The following VWA5B1 variants were observed in gnomAD, a reference collection of about 807,000 sequenced individuals.
The protein encoded by VWA5B1 is von Willebrand factor A domain-containing protein 5B1.
VWA5B1 carries 115 observed loss-of-function variants against 118.2 expected under a neutral mutation model. The ratio of observed to expected loss-of-function variants is 0.97; its 90% confidence interval spans 0.84 to 1.14. The LOEUF is 1.14. VWA5B1 is among the 50% of genes most tolerant of loss of function. VWA5B1 has a pLI of 0.00. For synonymous variants in VWA5B1, 682 were observed against 658.4 expected, an observed-to-expected ratio of 1.04 and a Z score of -0.55; for missense variants, 1,596 against 1,603.8, an observed-to-expected ratio of 1.00 and a Z score of 0.08.
chr1:20,314,439 C>G lies in VWA5B1; in HGVS notation c.410C>G (p.Pro137Arg), dbSNP rs1346152742. ...LFVANLGTIA[P>R]MENVTIFIST... ...GTGGCCAACCTGGGGACCATTGCCC[C>G]CATGGAGAATGTCACCATCTTCATC... Residue 137 changes from proline (P) to arginine (R), a missense_variant, in exon 4 of 22, where the codon CCC (proline) becomes CGC (arginine). By Grantham distance (103) the Pro-to-Arg change is moderately radical. Transcript: ENST00000289815. 3 of 1,551,746 alleles carry G rather than the reference C, an allele frequency of 1.9e-6. No homozygotes were observed. In the East Asian group the frequency reaches 7.3e-5, roughly 38 times the overall value.
Position 20,317,539 on chromosome 1 carries a change from G to A in VWA5B1, c.573G>A (p.Arg191=). ...TSNQQAQGKD[R]HCFGAWAPGS... ...CCCGGCCCTTTTCCAGCAAAGACAG[G>A]CACTGCTTCGGTGCCTGGGCCCCGG... Residue 191 remains arginine (R), a synonymous_variant, in exon 5 of 22, where the codon AGG becomes AGA. Transcript: ENST00000289815. 1 of 1,551,584 alleles carries A rather than the reference G, an allele frequency of 6.4e-7. No homozygotes were observed. The highest frequency in any genetic ancestry group is 8.7e-7 in the Non-Finnish European group (1 of 1,146,932).
At chr1:20,293,319 T>C (rs2088346956) in intron 1 of VWA5B1, among the ~76,000 whole-genome samples, 1 of 151,986 alleles carries the variant, frequency 6.6e-6, no homozygotes, top group African/African-American at 2.4e-5. Flanking sequence ...ATGATGCGAA[T>C]GCTGGTTATG....
At chr1:20,331,561 G>C (rs1016159006) in intron 11 of VWA5B1, among the ~76,000 whole-genome samples, 1 of 152,202 alleles carries the variant, frequency 6.6e-6, no homozygotes, top group African/African-American at 2.4e-5. Context: ...AGCTGTGAAA[G>C]GAAAATGGGA....
chr1:20,332,949 T>C lies in VWA5B1; in HGVS notation c.1756T>C (p.Ser586Pro). ...TTCTTTGCACATCTCCAATCCCAGA[T>C]CTGTAAGTATCCTAGAAATTCCACG... ...DASLHISNPR[S>P]DKRRRYSMLH... Residue 586 changes from serine to proline, a missense_variant and splice_region_variant, in exon 12 of 22, where the codon TCT becomes CCT. Transcript: ENST00000289815. 1.3e-6 allele frequency: 2 copies of C among 1,551,842 alleles called. No individual in the cohort carries two copies. Among genetic ancestry groups the C allele is most frequent in the East Asian group, 2.4e-5 (1 of 40,930 alleles).
chr1:20,328,093 T>G (rs2089441814), intron 9 of VWA5B1, 93 bp downstream of exon 9: 9 of 1,257,352 alleles, frequency 7.2e-6, no homozygotes, highest in Non-Finnish European at 9.0e-6. Flanking sequence ...AAAACCCTAG[T>G]GCTGGCCTCA....
At chr1:20,306,171 G>C (rs910575889) in intron 1 of VWA5B1, among the ~76,000 whole-genome samples, 14 of 152,166 alleles carry the variant, frequency 9.2e-5, no homozygotes, top group Admixed American at 7.2e-4. Context: ...GAAAGGAGGA[G>C]AGGGGTGCAA....
intron 4 of VWA5B1, 32 bp from the exon 5 acceptor site, chr1:20,317,498 G>T: frequency 6.5e-7 from 1 of 1,548,370 alleles, no homozygotes; most frequent in Non-Finnish European, 8.7e-7. Context: ...CACCCTGGCT[G>T]GTCTCCTTTC....
At chr1:20,336,591 G>A (rs2089724690) in intron 13 of VWA5B1, 105 bp downstream of exon 13, 4 of 1,228,928 alleles carry the variant, frequency 3.3e-6, no homozygotes, top group South Asian at 3.4e-5. Context: ...TGCAGAGGTG[G>A]GTACTGTTAT....
chr1:20,309,130 C>A (rs992612982), intron 1 of VWA5B1, among the ~76,000 whole-genome samples: 3 of 152,118 alleles, frequency 2.0e-5, no homozygotes, highest in Non-Finnish European at 4.4e-5. Context: ...CTTCATCCTG[C>A]AAGGATGAAA....
Position 20,317,668 on chromosome 1 carries a change from G to A in VWA5B1, c.702G>A (p.Leu234=). Residue 234 remains leucine, a synonymous_variant, in exon 5 of 22, where the codon CTG becomes CTA. Coordinates refer to ENST00000289815, the MANE Select transcript of VWA5B1 (RefSeq NM_001039500.3). ...AGCTGGAGATCCGTGGGCCATGTCT[G>A]CTCGCAGGTGAGAGGGAGACATCCA... is the stretch of plus-strand genomic sequence containing the variant. ...NFQLEIRGPC[L]LAGVESPTHE... The A allele has an allele frequency of 2.6e-6, 4 of 1,550,834 alleles. No individual in the cohort carries two copies. The South Asian group carries it at 4.8e-5, about 18-fold the overall frequency.
intron 8 of VWA5B1, among the ~76,000 whole-genome samples, chr1:20,324,639 G>A (rs77666741): frequency 0.015 from 2,348 of 152,208 alleles, 57 homozygotes; most frequent in African/African-American, 0.052. Flanking sequence ...GGGCTCTGCC[G>A]TCACCTGAAA....
chr1:20,303,877 G>A lies in VWA5B1; in HGVS notation c.-26-6699G>A, dbSNP rs193043661. On this transcript the variant is annotated intron_variant, in intron 1 of 21. Transcript: ENST00000289815. ...ATCTCTTCCCTCCTGTGCTCAGCAC[G>A]AACTGGGAAGCAGCCTGAGCAGGGG... Among the ~76,000 whole-genome samples the A allele has an allele frequency of 4.5e-4, 68 of 152,338 alleles. 1 individual carries two copies. Among genetic ancestry groups the A allele is most frequent in the Middle Eastern group, 6.8e-3 (2 of 294 alleles).
Position 20,323,421 on chromosome 1 carries a change from C to T in VWA5B1, c.1032C>T (p.Phe344=). 1 of 1,535,370 alleles carries T rather than the reference C, an allele frequency of 6.5e-7. No individual in the cohort carries two copies. Among genetic ancestry groups the T allele is most frequent in the Non-Finnish European group, 8.8e-7 (1 of 1,140,038 alleles). ...ACCACTCCGTCATCATGCTCAACTT[C>T]TGTCCCGACCTCCAGTCAGTCCAGC... is the stretch of plus-strand genomic sequence containing the variant. ...IPHHSVIMLN[F]CPDLQSVQPC... Residue 344 remains phenylalanine (F), a synonymous_variant, in exon 8 of 22, where the codon TTC becomes TTT. Transcript: ENST00000289815.
In VWA5B1 at chr1:20,305,746, C is replaced by T. The variant is rs561246086; in HGVS notation, c.-26-4830C>T. ...CATGGTTTGATGGCCTGTTACAAGA[C>T]GGGTGGCACTTATGGTAGGCAGGGA... On this transcript the variant is annotated intron_variant, in intron 1 of 21. Coordinates refer to ENST00000289815, the MANE Select transcript of VWA5B1 (RefSeq NM_001039500.3). Among the ~76,000 whole-genome samples the T allele has an allele frequency of 2.7e-4, 41 of 151,286 alleles. 1 individual carries two copies. Among genetic ancestry groups the T allele is most frequent in the African/African-American group, 9.2e-4 (38 of 41,252 alleles).
At chr1:20,291,545 C>G (rs971991831) in intron 1 of VWA5B1, among the ~76,000 whole-genome samples, 1 of 151,962 alleles carries the variant, frequency 6.6e-6, no homozygotes, top group Non-Finnish European at 1.5e-5. Flanking sequence ...TCCTTCCTCC[C>G]TCTCTCAACC....
At chr1:20,319,534 C>A (rs879102932) in intron 7 of VWA5B1, 28 bp downstream of exon 7, 10 of 1,550,270 alleles carry the variant, frequency 6.5e-6, no homozygotes, top group South Asian at 6.0e-5. Flanking sequence ...GGGGAGCGGA[C>A]GGTGGCAGAG....
rs970407490 is a variant in VWA5B1, at chr1:20,355,607, A to G, written c.*1344A>G. On this transcript the variant is annotated 3_prime_UTR_variant, in exon 22 of 22. Transcript: ENST00000289815. ...AAGCTCCACAGACTTCCCTCGTGGG[A>G]AGGCCTTGGAAGCTTAGCTTATCAA... Among the ~76,000 whole-genome samples, 3 of 152,332 alleles carry G rather than the reference A, an allele frequency of 2.0e-5. No homozygotes were observed. The highest frequency in any genetic ancestry group is 2.4e-5 in the African/African-American group (1 of 41,596).
chr1:20,333,775 G>A (rs1394773238), intron 12 of VWA5B1, among the ~76,000 whole-genome samples: 3 of 152,236 alleles, frequency 2.0e-5, no homozygotes, highest in Non-Finnish European at 2.9e-5. Context: ...GCTAAAATGT[G>A]AGAGGTTGCC....
At chr1:20,310,455 T>G in intron 1 of VWA5B1, 121 bp from the exon 2 acceptor site, 1 of 1,018,836 alleles carries the variant, frequency 9.8e-7, no homozygotes, top group South Asian at 2.2e-5. Flanking sequence ...AACTGGGAAG[T>G]TCTTGGGGAA....
Sources: allele counts gnomAD v4.1 joint callset (sites outside exome capture counted in the v4.1 genomes callset), GRCh38; gene constraint gnomAD v4.1.1; transcripts MANE v1.5; gene names NCBI Gene and HGNC (gene_info 2026-07-23, HGNC 2026-07-21).